CCNY: variants seen among roughly 807,000 people sequenced by gnomAD.
CCNY encodes cyclin-Y.
In CCNY, 19 loss-of-function variants were observed where a neutral mutation model predicts 42.8. That is an observed-to-expected ratio of 0.44 (90% confidence interval 0.31 to 0.65). CCNY has a LOEUF of 0.65. Among genes scored for constraint, CCNY ranks in the 30% least tolerant of loss-of-function variants. CCNY has a pLI of 0.07. For missense variants in CCNY, 370 were observed against 437.3 expected (o/e 0.85, Z 1.37); for synonymous variants, 165 against 162.7 (o/e 1.01, Z -0.11).
At chr10:35,323,618 C>A (rs1164198954) in intron 3 of CCNY, among the ~76,000 whole-genome samples, 1 of 152,182 alleles carries the variant, frequency 6.6e-6, no homozygotes, top group Non-Finnish European at 1.5e-5. Flanking sequence ...CAGATCAGGG[C>A]TTGCCTGGGA....
chr10:35,529,276 A>G (rs1000600696), intron 5 of CCNY, among the ~76,000 whole-genome samples: 1 of 152,182 alleles, frequency 6.6e-6, no homozygotes. Flanking sequence ...TCTAGGATAC[A>G]TTGATATTCA....
chr10:35,370,570 T>G (rs978753284), intron 1 of CCNY, among the ~76,000 whole-genome samples: 1 of 152,034 alleles, frequency 6.6e-6, no homozygotes, highest in Admixed American at 6.5e-5. Flanking sequence ...AGACCTTGGA[T>G]GATAATGACT....
At chr10:35,526,669 GTT>G (rs34425324) in intron 5 of CCNY, among the ~76,000 whole-genome samples, 144 of 142,682 alleles carry the variant, frequency 1.0e-3, no homozygotes, top group Non-Finnish European at 1.4e-3. Flanking sequence ...TCCTTTCCAA[GTT>G]TTTTTTTTTT....
chr10:35,428,544 T>C (rs1021940213), intron 1 of CCNY, among the ~76,000 whole-genome samples: 3 of 152,080 alleles, frequency 2.0e-5, no homozygotes, highest in Non-Finnish European at 2.9e-5. Context: ...ATAATTTTGG[T>C]ATTTTTACTT....
At chr10:35,512,483 A>G (rs1023973783) in intron 3 of CCNY, among the ~76,000 whole-genome samples, 2 of 152,230 alleles carry the variant, frequency 1.3e-5, no homozygotes, top group Non-Finnish European at 2.9e-5. Context: ...GGGGGAAAGC[A>G]AGGAGGAAAC....
At chr10:35,299,063 C>T (rs1835504169) in intron 3 of CCNY, among the ~76,000 whole-genome samples, 1 of 152,168 alleles carries the variant, frequency 6.6e-6, no homozygotes, top group Non-Finnish European at 1.5e-5. Flanking sequence ...TGTAACATTT[C>T]ACATTCTTAC....
At chr10:35,411,636 A>C (rs1837907943) in intron 1 of CCNY, among the ~76,000 whole-genome samples, 1 of 152,144 alleles carries the variant, frequency 6.6e-6, no homozygotes, top group Non-Finnish European at 1.5e-5. Context: ...GGTTGACCTC[A>C]GTATTGTTTG....
At chr10:35,470,896 G>T (rs1238818125) in intron 1 of CCNY, among the ~76,000 whole-genome samples, 3 of 152,210 alleles carry the variant, frequency 2.0e-5, no homozygotes, top group Non-Finnish European at 4.4e-5. Flanking sequence ...AACAGGCTTT[G>T]TTGATTTCAT....
intron 1 of CCNY, among the ~76,000 whole-genome samples, chr10:35,346,608 CA>C (rs1337316113): frequency 6.6e-6 from 1 of 152,142 alleles, no homozygotes; most frequent in African/African-American, 2.4e-5. Context: ...TCACCTTTGT[CA>C]GAAGATGGAC....
At chr10:35,507,675 C>G (rs909497136) in intron 3 of CCNY, among the ~76,000 whole-genome samples, 3 of 152,170 alleles carry the variant, frequency 2.0e-5, no homozygotes, top group Non-Finnish European at 4.4e-5. Context: ...GGGTTTCACT[C>G]CAGCCTGACA....
chr10:35,559,300 G>A (rs1841420588), intron 8 of CCNY, among the ~76,000 whole-genome samples: 1 of 152,306 alleles, frequency 6.6e-6, no homozygotes, highest in Admixed American at 6.5e-5. Context: ...TGTGGAAAGT[G>A]GAATGTTTAA....
At chr10:35,440,129 C>G (rs1017419956) in intron 1 of CCNY, among the ~76,000 whole-genome samples, 1 of 152,196 alleles carries the variant, frequency 6.6e-6, no homozygotes, top group Non-Finnish European at 1.5e-5. Flanking sequence ...TTTTTGGCGC[C>G]TGTGGAGTAG....
chr10:35,419,668 T>C (rs191673036), intron 1 of CCNY, among the ~76,000 whole-genome samples: 1 of 152,238 alleles, frequency 6.6e-6, no homozygotes, highest in East Asian at 1.9e-4. Flanking sequence ...TAGTTGCATA[T>C]CAACTCATTT....
chr10:35,368,472 GTTA>G (rs1019076486), intron 1 of CCNY, among the ~76,000 whole-genome samples: 2 of 152,226 alleles, frequency 1.3e-5, no homozygotes, highest in African/African-American at 4.8e-5. Flanking sequence ...AAGTGCTCAT[GTTA>G]TTATTCTCAT....
At chr10:35,423,154 T>G (rs951255520) in intron 1 of CCNY, among the ~76,000 whole-genome samples, 1 of 152,212 alleles carries the variant, frequency 6.6e-6, no homozygotes, top group African/African-American at 2.4e-5. Context: ...ATTTCCACTT[T>G]TTTTTATAGA....
intron 3 of CCNY, among the ~76,000 whole-genome samples, chr10:35,511,249 G>A (rs908720664): frequency 1.3e-5 from 2 of 152,212 alleles, no homozygotes; most frequent in African/African-American, 4.8e-5. Context: ...TTCTTCATTT[G>A]CTGATTCAAG....
intron 3 of CCNY, among the ~76,000 whole-genome samples, chr10:35,323,130 T>C (rs1835840051): frequency 6.6e-6 from 1 of 152,178 alleles, no homozygotes; most frequent in South Asian, 2.1e-4. Context: ...GGTTTCGTCA[T>C]GTTGGCCAGG....
intron 4 of CCNY, 113 bp from the exon 5 acceptor site, chr10:35,525,851 G>A (rs926319451): frequency 3.3e-6 from 3 of 901,468 alleles, no homozygotes; most frequent in Non-Finnish European, 5.1e-6. Flanking sequence ...TGTTCAGAAA[G>A]ATTGTTAGAC....
intron 1 of CCNY, among the ~76,000 whole-genome samples, chr10:35,375,012 ATCTT>A (rs1407393019): frequency 6.6e-6 from 1 of 151,700 alleles, no homozygotes; most frequent in Non-Finnish European, 1.5e-5. Context: ...CAGGGCCTCT[ATCTT>A]ATGAAATGAG....
Sources: gnomAD v4.1 joint callset for allele counts (sites outside exome capture counted in the v4.1 genomes callset) on GRCh38, gnomAD v4.1.1 for gene constraint, MANE v1.5 for transcripts, NCBI Gene and HGNC (gene_info 2026-07-23, HGNC 2026-07-21) for gene names.